Variants in CNTNAP2 observed in about 807,000 individuals in gnomAD.
The protein encoded by CNTNAP2 is contactin associated protein 2.
In CNTNAP2, 98 loss-of-function variants were observed where a neutral mutation model predicts 155.2. The observed-to-expected ratio is 0.63, with a 90% CI of 0.54 to 0.75. The LOEUF is 0.75. Ranked by LOEUF, CNTNAP2 falls within the 30% of genes least tolerant of loss-of-function variation. The pLI is 0.00. For synonymous variants in CNTNAP2, 651 were observed against 631.2 expected (o/e 1.03, Z -0.47); for missense variants, 1,727 against 1,688.1 (o/e 1.02, Z -0.40).
At chr7:147,436,806 A>G (rs933340651) in intron 10 of CNTNAP2, among the ~76,000 whole-genome samples, 2 of 152,210 alleles carry the variant, frequency 1.3e-5, no homozygotes, top group Admixed American at 6.5e-5. Context: ...CTTTGAAGTT[A>G]GGCTCCCACC....
intron 3 of CNTNAP2, among the ~76,000 whole-genome samples, chr7:146,993,915 C>A (rs1400124996): frequency 6.6e-6 from 1 of 152,100 alleles, no homozygotes; most frequent in African/African-American, 2.4e-5. Context: ...CCAGGTTCAA[C>A]CAATACCACT....
intron 11 of CNTNAP2, among the ~76,000 whole-genome samples, chr7:147,535,620 T>C (rs1799525484): frequency 6.6e-6 from 1 of 152,138 alleles, no homozygotes. Context: ...AGTTCTAATC[T>C]GATGAATGTG....
intron 8 of CNTNAP2, among the ~76,000 whole-genome samples, chr7:147,225,870 GGAGGGAAA>G (rs1227822844): frequency 2.6e-5 from 3 of 113,684 alleles, no homozygotes; most frequent in Admixed American, 9.7e-5. Flanking sequence ...AAAGAAGGAA[GGAGGGAAA>G]GAAGGAAGGA....
chr7:146,470,762 G>T (rs534911175), intron 1 of CNTNAP2, among the ~76,000 whole-genome samples: 1 of 151,908 alleles, frequency 6.6e-6, no homozygotes, highest in Admixed American at 6.6e-5. Flanking sequence ...TAGATACAGG[G>T]TTTCACCATG....
chr7:148,286,970 T>G (rs890610617), intron 21 of CNTNAP2, among the ~76,000 whole-genome samples: 23 of 152,214 alleles, frequency 1.5e-4, no homozygotes, highest in African/African-American at 5.1e-4. Context: ...GGGCCGTACA[T>G]TCTCTGGGTT....
At chr7:147,158,458 A>T (rs1035198672) in intron 8 of CNTNAP2, among the ~76,000 whole-genome samples, 5 of 152,102 alleles carry the variant, frequency 3.3e-5, no homozygotes, top group South Asian at 2.1e-4. Flanking sequence ...CAAAAGGAAC[A>T]CATATCGACT....
At chr7:146,958,709 G>A (rs577785899) in intron 3 of CNTNAP2, among the ~76,000 whole-genome samples, 61 of 151,802 alleles carry the variant, frequency 4.0e-4, no homozygotes, top group African/African-American at 1.4e-3. Context: ...CACCACGGCC[G>A]GCCCATTTTT....
At chr7:146,895,277 C>T (rs753864929) in intron 3 of CNTNAP2, among the ~76,000 whole-genome samples, 2 of 86,140 alleles carry the variant, frequency 2.3e-5, no homozygotes, top group Non-Finnish European at 6.7e-5. Context: ...TCCTTCTTTC[C>T]TTCCTTCCTT....
intron 1 of CNTNAP2, among the ~76,000 whole-genome samples, chr7:146,765,722 A>G (rs1397796799): frequency 6.6e-6 from 1 of 152,230 alleles, no homozygotes; most frequent in Non-Finnish European, 1.5e-5. Context: ...AGACAGTGTG[A>G]TAGAATAGTA....
chr7:146,706,541 C>T (rs965478740), intron 1 of CNTNAP2, among the ~76,000 whole-genome samples: 1 of 151,992 alleles, frequency 6.6e-6, no homozygotes, highest in Non-Finnish European at 1.5e-5. Flanking sequence ...AGTGAACAGG[C>T]GGCCGCTGAA....
intron 1 of CNTNAP2, among the ~76,000 whole-genome samples, chr7:146,559,405 T>C (rs1180629819): frequency 6.6e-6 from 1 of 151,944 alleles, no homozygotes; most frequent in African/African-American, 2.4e-5. Context: ...TCGTCTGTAC[T>C]AAAAATATAA....
At chr7:147,379,546 TG>T (rs1796497750) in intron 9 of CNTNAP2, among the ~76,000 whole-genome samples, 1 of 152,132 alleles carries the variant, frequency 6.6e-6, no homozygotes. Context: ...GTTCTTGATT[TG>T]GGGGTTATAT....
chr7:147,445,493 A>T (rs973093040), intron 10 of CNTNAP2, among the ~76,000 whole-genome samples: 1 of 152,106 alleles, frequency 6.6e-6, no homozygotes, highest in Non-Finnish European at 1.5e-5. Flanking sequence ...ACCCTGCCTC[A>T]GTTTCCTTGT....
At chr7:146,666,003 A>T (rs181750511) in intron 1 of CNTNAP2, among the ~76,000 whole-genome samples, 1 of 152,026 alleles carries the variant, frequency 6.6e-6, no homozygotes, top group African/African-American at 2.4e-5. Context: ...GGGAACATTC[A>T]ATATCCCCCT....
chr7:147,669,344 T>A (rs931531863), intron 13 of CNTNAP2, among the ~76,000 whole-genome samples: 2 of 152,204 alleles, frequency 1.3e-5, no homozygotes, highest in Non-Finnish European at 2.9e-5. Context: ...TCATATTTCA[T>A]CAAAAATCTA....
chr7:148,086,843 C>T (rs1380828973), intron 15 of CNTNAP2, among the ~76,000 whole-genome samples: 1 of 152,180 alleles, frequency 6.6e-6, no homozygotes, highest in Non-Finnish European at 1.5e-5. Context: ...TCAGATTAAG[C>T]TGCACTTAAA....
intron 1 of CNTNAP2, among the ~76,000 whole-genome samples, chr7:146,235,225 CTTT>C (rs879410253): frequency 6.9e-6 from 1 of 145,006 alleles, no homozygotes. Context: ...TTTCTACATC[CTTT>C]TTTTTTTTTA....
intron 12 of CNTNAP2, among the ~76,000 whole-genome samples, chr7:147,575,764 G>T (rs570471173): frequency 6.6e-6 from 1 of 151,644 alleles, no homozygotes; most frequent in Non-Finnish European, 1.5e-5. Context: ...TTCCTTTTTG[G>T]TTAAGGAGTG....
chr7:146,179,356 T>C (rs1210811721), intron 1 of CNTNAP2, among the ~76,000 whole-genome samples: 1 of 151,756 alleles, frequency 6.6e-6, no homozygotes, highest in Non-Finnish European at 1.5e-5. Context: ...CCTAAAATAA[T>C]TGTGGAAAGC....
Sources: allele counts gnomAD v4.1 joint callset (sites outside exome capture counted in the v4.1 genomes callset), GRCh38; gene constraint gnomAD v4.1.1; transcripts MANE v1.5; gene names NCBI Gene and HGNC (gene_info 2026-07-23, HGNC 2026-07-21).